DNAAF11: variants seen among roughly 807,000 people sequenced by gnomAD.
The protein encoded by DNAAF11 is dynein axonemal assembly factor 11.
In DNAAF11, 45 loss-of-function variants were observed where a neutral mutation model predicts 60.8. The observed-to-expected ratio is 0.74, with a 90% CI of 0.58 to 0.95. DNAAF11 has a LOEUF of 0.95. DNAAF11 is among the 40% of genes least tolerant of loss of function. DNAAF11 has a pLI of 0.00. For missense variants in DNAAF11, 546 were observed against 546.2 expected (o/e 1.00, Z 0.00); for synonymous variants, 191 against 183.5 (o/e 1.04, Z -0.33).
At chr8:132,592,064 C>A (rs1016694162) in intron 10 of DNAAF11, among the ~76,000 whole-genome samples, 1 of 151,992 alleles carries the variant, frequency 6.6e-6, no homozygotes, top group Non-Finnish European at 1.5e-5. Flanking sequence ...TCCAAATAGC[C>A]AATATCCTCC....
intron 3 of DNAAF11, among the ~76,000 whole-genome samples, 157 bp downstream of exon 3, chr8:132,656,673 T>C (rs1000598972): frequency 3.9e-5 from 6 of 152,164 alleles, no homozygotes; most frequent in African/African-American, 9.7e-5. Flanking sequence ...GGTTTAATCA[T>C]ATTGGTCAGG....
chr8:132,617,777 C>T (rs1819327452), intron 7 of DNAAF11, among the ~76,000 whole-genome samples: 1 of 151,518 alleles, frequency 6.6e-6, no homozygotes, highest in Non-Finnish European at 1.5e-5. Context: ...CTACAAACCA[C>T]TGCTCAAGGA....
the DNAAF11 span, among the ~76,000 whole-genome samples, chr8:132,689,822 T>G: frequency 6.6e-6 from 1 of 152,034 alleles, no homozygotes. Flanking sequence ...CAAGCAATCC[T>G]TTGCCTCAGC....
intron 11 of DNAAF11, among the ~76,000 whole-genome samples, chr8:132,581,661 CAAA>C (rs59380140): frequency 1.3e-4 from 11 of 82,982 alleles, no homozygotes; most frequent in East Asian, 1.2e-3. Context: ...GACTCTGCCT[CAAA>C]AAAAAAAAAA....
chr8:132,672,945 T>C (rs1310843688), intron 1 of DNAAF11, among the ~76,000 whole-genome samples: 1 of 152,144 alleles, frequency 6.6e-6, no homozygotes, highest in Non-Finnish European at 1.5e-5. Flanking sequence ...CTCTAAAACC[T>C]GTACTAATGA....
At chr8:132,612,405 G>A (rs772691441) in intron 8 of DNAAF11, among the ~76,000 whole-genome samples, 2 of 152,160 alleles carry the variant, frequency 1.3e-5, no homozygotes, top group Non-Finnish European at 2.9e-5. Flanking sequence ...CCCCTAAAAT[G>A]TTCATCTGTC....
chr8:132,628,446 G>A (rs2130382090), intron 5 of DNAAF11, among the ~76,000 whole-genome samples: 1 of 151,932 alleles, frequency 6.6e-6, no homozygotes, highest in African/African-American at 2.4e-5. Flanking sequence ...TCCTTGCCAT[G>A]TGAAGTGTGA....
At chr8:132,616,411 A>G (rs1819160181) in intron 7 of DNAAF11, among the ~76,000 whole-genome samples, 1 of 152,178 alleles carries the variant, frequency 6.6e-6, no homozygotes. Flanking sequence ...CAACTGTCCA[A>G]GCAAGAGTTA....
chr8:132,651,736 G>C (rs1250130430), intron 3 of DNAAF11, among the ~76,000 whole-genome samples: 3 of 152,174 alleles, frequency 2.0e-5, no homozygotes, highest in African/African-American at 4.8e-5. Context: ...ACCCAGCCAA[G>C]AGTCCCAGTT....
chr8:132,665,201 C>T (rs1824512927), intron 1 of DNAAF11, among the ~76,000 whole-genome samples: 1 of 152,086 alleles, frequency 6.6e-6, no homozygotes, highest in African/African-American at 2.4e-5. Flanking sequence ...CACAGTGCTG[C>T]TTCACCTGTA....
At chr8:132,615,247 C>A (rs182830760) in intron 7 of DNAAF11, 150 bp from the exon 8 acceptor site, 126 of 487,976 alleles carry the variant, frequency 2.6e-4, no homozygotes, top group Non-Finnish European at 4.2e-4. Context: ...CAAATATCAA[C>A]GGTAATTTTA....
In DNAAF11 at chr8:132,660,502, G is replaced by A. The variant is rs563745554; in HGVS notation, c.178+958C>T. ...TCTGACCCAGGTTTACCTGATGCCA[G>A]AGCCTGTGCTTTCTCTTTCCGGGTG... On this transcript the variant is annotated intron_variant, in intron 2 of 11. Coordinates refer to ENST00000620350, the MANE Select transcript of DNAAF11 (RefSeq NM_012472.6). Among the ~76,000 whole-genome samples the A allele has an allele frequency of 9.8e-5, 15 of 152,302 alleles. 1 individual carries two copies. In the South Asian group the frequency reaches 2.1e-3, roughly 21 times the overall value.
At chr8:132,700,746 T>C in the DNAAF11 span, among the ~76,000 whole-genome samples, 236 of 152,250 alleles carry the variant, frequency 1.6e-3, no homozygotes, top group Non-Finnish European at 2.2e-3. Flanking sequence ...GTCTTATACA[T>C]CCATCGTCCC....
At chr8:132,597,181 TA>T (rs1482126631) in intron 10 of DNAAF11, among the ~76,000 whole-genome samples, 1 of 152,172 alleles carries the variant, frequency 6.6e-6, no homozygotes, top group East Asian at 1.9e-4. Flanking sequence ...ATTTTATTTT[TA>T]AAATAACCAT....
At chr8:132,645,479 G>A (rs897033717) in intron 3 of DNAAF11, among the ~76,000 whole-genome samples, 6 of 152,198 alleles carry the variant, frequency 3.9e-5, no homozygotes, top group Non-Finnish European at 7.3e-5. Flanking sequence ...AAAGCTGGAC[G>A]GAGAATGACT....
chr8:132,593,226 T>C (rs1284507303), intron 10 of DNAAF11, among the ~76,000 whole-genome samples: 1 of 151,072 alleles, frequency 6.6e-6, no homozygotes, highest in Non-Finnish European at 1.5e-5. Flanking sequence ...TCAAGTAAAG[T>C]AAGTGTTCCA....
chr8:132,611,101 C>T (rs533787553), intron 9 of DNAAF11, among the ~76,000 whole-genome samples, 193 bp downstream of exon 9: 2 of 152,234 alleles, frequency 1.3e-5, no homozygotes, highest in South Asian at 4.1e-4. Context: ...ACCATGTTGC[C>T]CAGACTGGTC....
chr8:132,694,887 GA>G, the DNAAF11 span, among the ~76,000 whole-genome samples: 1 of 152,212 alleles, frequency 6.6e-6, no homozygotes. Context: ...AGGCAGAGAA[GA>G]GGTCTGGCAT....
At chr8:132,674,021 G>A (rs1465105394) in intron 1 of DNAAF11, among the ~76,000 whole-genome samples, 1 of 151,860 alleles carries the variant, frequency 6.6e-6, no homozygotes, top group Non-Finnish European at 1.5e-5. Flanking sequence ...AGAAGGAGGA[G>A]AAGGAGCAGG....
Sources: allele counts gnomAD v4.1 joint callset (sites outside exome capture counted in the v4.1 genomes callset), GRCh38; gene constraint gnomAD v4.1.1; transcripts MANE v1.5; gene names NCBI Gene and HGNC (gene_info 2026-07-23, HGNC 2026-07-21).